Variants in ANKRD36C observed in about 807,000 individuals in gnomAD.
ANKRD36C encodes ankyrin repeat domain-containing protein 36C.
Under a neutral mutation model 276.4 loss-of-function variants are expected in ANKRD36C, and 61 were observed. That is an observed-to-expected ratio of 0.22 (90% CI 0.18 to 0.27). The LOEUF is 0.27. Ranked by LOEUF, ANKRD36C falls within the 10% of genes least tolerant of loss-of-function variation. The pLI is 1.00. For synonymous variants in ANKRD36C, 483 were observed against 680.1 expected (o/e 0.71, Z 4.51); for missense variants, 1,447 against 2,032.3 (o/e 0.71, Z 5.54).
intron 3 of ANKRD36C, among the ~76,000 whole-genome samples, chr2:95,983,424 T>C (rs1157508346): frequency 6.6e-6 from 1 of 151,462 alleles, no homozygotes; most frequent in African/African-American, 2.4e-5. Flanking sequence ...CTTTAAAAAT[T>C]TATTTATATT....
chr2:95,857,077 TC>T (rs1339067058), intron 62 of ANKRD36C, among the ~76,000 whole-genome samples: 1 of 152,088 alleles, frequency 6.6e-6, no homozygotes, highest in African/African-American at 2.4e-5. Flanking sequence ...ACTAACAATA[TC>T]ATTAAGTATA....
rs1573765655 is a variant in ANKRD36C at position 95,917,767 on chromosome 2, C to A, written c.2347+88G>T. On this transcript the variant is annotated intron_variant, in intron 36 of 66. Coordinates refer to ENST00000456556, the Ensembl canonical transcript of ANKRD36C. ...GAATGTGCAGCTTTGGCGAGCACCC[C>A]CAACCGCCCTCCGCTGATTTATTCA... 8 of 1,491,364 alleles carry A rather than the reference C, an allele frequency of 5.4e-6. No individual in the cohort carries two copies. The East Asian group carries it at 1.2e-4, about 23-fold the overall frequency. 92.4% of individuals were successfully genotyped at this position (1,491,364 alleles called of 1,614,324 possible).
chr2:95,972,316 C>A (rs1251274505), intron 6 of ANKRD36C, among the ~76,000 whole-genome samples: 1 of 152,196 alleles, frequency 6.6e-6, no homozygotes, highest in African/African-American at 2.4e-5. Flanking sequence ...GCCTATGTAA[C>A]TAGTTTCCAT....
At chr2:95,931,559 G>C (rs368296706) in intron 24 of ANKRD36C, among the ~76,000 whole-genome samples, 4,796 of 144,226 alleles carry the variant, frequency 0.033, 80 homozygotes, top group East Asian at 0.12. Flanking sequence ...AAATTTTATT[G>C]AATATAACCT....
chr2:95,879,143 C>A (rs1676019414), intron 58 of ANKRD36C, among the ~76,000 whole-genome samples: 1 of 152,062 alleles, frequency 6.6e-6, no homozygotes, highest in South Asian at 2.1e-4. Context: ...TCCTCTCATT[C>A]ACATGACATG....
At chr2:95,956,236 CA>C (rs1678323821) in intron 13 of ANKRD36C, among the ~76,000 whole-genome samples, 1 of 152,162 alleles carries the variant, frequency 6.6e-6, no homozygotes, top group Non-Finnish European at 1.5e-5. Context: ...GTCTTGCTTA[CA>C]AAAAACTTAC....
intron 42 of ANKRD36C, among the ~76,000 whole-genome samples, 189 bp downstream of exon 48, chr2:95,908,313 T>C (rs921910466): frequency 2.7e-5 from 4 of 150,870 alleles, no homozygotes; most frequent in Non-Finnish European, 4.5e-5. Context: ...AAGTGTATAA[T>C]CTTACGGCGA....
rs746786906 is a variant in ANKRD36C at position 95,891,869 on chromosome 2, T to A, written c.2756-9A>T. The A allele has an allele frequency of 1.3e-6, 2 of 1,558,356 alleles. No individual in the cohort carries two copies. Among genetic ancestry groups the A allele is most frequent in the Non-Finnish European group, 1.7e-6 (2 of 1,151,546 alleles). On this transcript the variant is annotated splice_polypyrimidine_tract_variant and intron_variant, in intron 44 of 66. Transcript: ENST00000456556. The stretch of plus-strand genomic sequence containing the variant: ...TGGTTTCTCAGAAGACACTGAAAAG[T>A]AAAAGGGATTCATAATCACTCATAT...
At position 95,860,722 on chromosome 2, in the gene ANKRD36C, G is replaced by A. The variant is rs73958142; in HGVS notation, c.3683-648C>T. Reference sequence around the variant, plus strand: ...TTTGACAGAGTTTTGACGGAGGTTCGAGGCCATGACAAAGGGAGAAAATCT... The same window carrying A: ...TTTGACAGAGTTTTGACGGAGGTTCAAGGCCATGACAAAGGGAGAAAATCT... On this transcript the variant is annotated intron_variant, in intron 60 of 66. Coordinates refer to ENST00000456556, the Ensembl canonical transcript of ANKRD36C. Among the ~76,000 whole-genome samples the A allele has an allele frequency of 2.6e-5, 4 of 152,246 alleles. No individual in the cohort carries two copies. The East Asian group carries it at 5.8e-4, about 22-fold the overall frequency.
chr2:95,885,113 G>A (rs1442172199), intron 52 of ANKRD36C, among the ~76,000 whole-genome samples: 21 of 151,956 alleles, frequency 1.4e-4, no homozygotes, highest in Admixed American at 7.2e-4. Flanking sequence ...TGCTACAAGC[G>A]TTAGATATTA....
intron 1 of ANKRD36C, among the ~76,000 whole-genome samples, chr2:95,990,072 G>A (rs1450755851): frequency 6.6e-6 from 1 of 152,042 alleles, no homozygotes; most frequent in Non-Finnish European, 1.5e-5. Flanking sequence ...CCTTCAGAAT[G>A]TGTGCTTGTG....
intron 34 of ANKRD36C, 93 bp from the exon 37 acceptor site, chr2:95,918,135 C>T: frequency 1.3e-6 from 2 of 1,522,584 alleles, no homozygotes; most frequent in Non-Finnish European, 1.8e-6. Flanking sequence ...CTGTATCCTT[C>T]TGCCTGTACT....
intron 40 of ANKRD36C, 108 bp downstream of exon 42, chr2:95,913,999 GC>G (rs1677011529): frequency 1.7e-6 from 2 of 1,150,138 alleles, no homozygotes; most frequent in African/African-American, 3.1e-5. Context: ...TCTCAGGACT[GC>G]TGTATCAGAA....
In ANKRD36C at chr2:95,956,437, C is replaced by T. The variant is rs932259533; in HGVS notation, c.1136+349G>A. Among the ~76,000 whole-genome samples, 26 of 152,156 alleles carry T rather than the reference C, an allele frequency of 1.7e-4. No homozygotes were observed. The South Asian group carries it at 3.1e-3, about 18-fold the overall frequency. On this transcript the variant is annotated intron_variant, in intron 13 of 66. Transcript: ENST00000456556. ...ACTTTCTGAATTGATCTGAGTTACA[C>T]CAGTACCGTGATCGCATTGCTGCAT...
At chr2:95,893,054 C>G (rs1476760376) in intron 44 of ANKRD36C, among the ~76,000 whole-genome samples, 1 of 151,166 alleles carries the variant, frequency 6.6e-6, no homozygotes, top group Non-Finnish European at 1.5e-5. Context: ...ATGACTGCCT[C>G]TTTTCACACC....
chr2:95,891,853 A>T, exon 45 of ANKRD36C: 2 of 1,562,302 alleles, frequency 1.3e-6, no homozygotes, highest in South Asian at 2.4e-5. Context: ...ATGGTTTCTC[A>T]GAAGACACTG....
intron 1 of ANKRD36C, among the ~76,000 whole-genome samples, chr2:95,989,342 A>T (rs1044094493): frequency 1.3e-5 from 2 of 152,258 alleles, no homozygotes; most frequent in East Asian, 3.8e-4. Flanking sequence ...AAGAAAAAAT[A>T]TCACAATACC....
intron 1 of ANKRD36C, among the ~76,000 whole-genome samples, chr2:95,988,396 G>GT (rs778194772): frequency 5.4e-5 from 8 of 147,164 alleles, no homozygotes; most frequent in Non-Finnish European, 1.2e-4. Flanking sequence ...AATTGCTTTT[G>GT]TTTAAAAAAA....
At chr2:95,876,111 T>C in intron 59 of ANKRD36C, 1 of 317,014 alleles carries the variant, frequency 3.2e-6, no homozygotes, top group Non-Finnish European at 6.2e-6. Context: ...ACTGTTAAAT[T>C]GTTCATAATT....
Sources: allele counts gnomAD v4.1 joint callset (sites outside exome capture counted in the v4.1 genomes callset), GRCh38; gene constraint gnomAD v4.1.1; transcripts MANE v1.5; gene names NCBI Gene and HGNC (gene_info 2026-07-23, HGNC 2026-07-21).